SLC13A1: variants seen among roughly 807,000 people sequenced by gnomAD.
The protein encoded by SLC13A1 is solute carrier family 13 member 1, also known as Na(+)/sulfate cotransporter.
A neutral mutation model predicts 70.0 loss-of-function variants in SLC13A1; 65 were observed. The ratio of observed to expected loss-of-function variants is 0.93; its 90% confidence interval spans 0.76 to 1.14. The LOEUF is 1.14. Among genes scored for constraint, SLC13A1 ranks in the 50% most tolerant of loss-of-function variants. The pLI is 0.00. For missense variants in SLC13A1, 726 were observed against 717.8 expected (o/e 1.01, Z -0.13); for synonymous variants, 275 against 250.5 (o/e 1.10, Z -0.92).
At chr7:123,141,453 A>G (rs1794139018) in intron 7 of SLC13A1, among the ~76,000 whole-genome samples, 2 of 152,094 alleles carry the variant, frequency 1.3e-5, no homozygotes, top group Admixed American at 6.5e-5. Flanking sequence ...ATTAAGTCCA[A>G]TGTTTCTTTG....
At chr7:123,198,943 T>A (rs781358605) in intron 1 of SLC13A1, among the ~76,000 whole-genome samples, 1 of 152,090 alleles carries the variant, frequency 6.6e-6, no homozygotes, top group African/African-American at 2.4e-5. Flanking sequence ...GAGTGTTTCT[T>A]CATTTCATTC....
rs140649483 is a variant in SLC13A1 at position 123,171,817 on chromosome 7, T to C, written c.316A>G (p.Lys106Glu). 3.7e-6 allele frequency: 6 copies of C among 1,613,872 alleles called. No homozygotes were observed. The African/African-American group carries it at 5.3e-5, about 14-fold the overall frequency. The change falls in exon 3 of 15, where the codon AAG becomes GAG. Residue 106 changes from lysine (K) to glutamate (E), a missense_variant. By Grantham distance (56) the Lys-to-Glu change is moderately conservative (BLOSUM62 1). Transcript: ENST00000194130. ...ATSIEKWNLHKRIALKMVMMV... is the reference protein window; with the variant it reads ...ATSIEKWNLHERIALKMVMMV... The stretch of plus-strand genomic sequence containing the variant: ...ATCACCATTTTCAGAGCAATTCTCT[T>C]GTGCAAATTCCATTTTTCTATGGAT...
intron 1 of SLC13A1, among the ~76,000 whole-genome samples, chr7:123,198,579 G>T (rs1880179): frequency 0.34 from 50,949 of 151,654 alleles, 9,246 homozygotes; most frequent in South Asian, 0.41. Context: ...CCACAGCAGG[G>T]GCCAGTCCCT....
intron 1 of SLC13A1, among the ~76,000 whole-genome samples, chr7:123,187,042 G>A (rs17145513): frequency 9.2e-5 from 14 of 151,810 alleles, no homozygotes; most frequent in East Asian, 3.9e-4. Context: ...ATCTCTGTAC[G>A]TGTTACGACT....
chr7:123,198,417 T>C (rs1056086860), intron 1 of SLC13A1, among the ~76,000 whole-genome samples: 2 of 139,102 alleles, frequency 1.4e-5, no homozygotes, highest in Admixed American at 1.5e-4. Flanking sequence ...ACAAATTCTG[T>C]ACGAATTTGA....
chr7:123,144,439 G>A (rs1179236950), intron 7 of SLC13A1, among the ~76,000 whole-genome samples: 2 of 152,082 alleles, frequency 1.3e-5, no homozygotes, highest in Admixed American at 6.6e-5. Flanking sequence ...TGTGAAAAAA[G>A]CATTAAATTT....
intron 7 of SLC13A1, among the ~76,000 whole-genome samples, chr7:123,142,103 G>T (rs1022692513): frequency 2.6e-5 from 4 of 151,994 alleles, no homozygotes. Context: ...CATGTATAGG[G>T]TAAGGCTTGA....
intron 9 of SLC13A1, among the ~76,000 whole-genome samples, 193 bp downstream of exon 9, chr7:123,129,190 G>C (rs536119268): frequency 6.6e-6 from 1 of 151,932 alleles, no homozygotes; most frequent in East Asian, 1.9e-4. Flanking sequence ...TTATCATGTT[G>C]AGTTATAGTC....
At chr7:123,198,459 G>A (rs762340403) in intron 1 of SLC13A1, among the ~76,000 whole-genome samples, 1 of 152,010 alleles carries the variant, frequency 6.6e-6, no homozygotes, top group Non-Finnish European at 1.5e-5. Flanking sequence ...AAGGGGTGGG[G>A]AGTTTTTCCC....
intron 13 of SLC13A1, among the ~76,000 whole-genome samples, chr7:123,118,809 C>G (rs1035932158): frequency 1.3e-5 from 2 of 152,066 alleles, no homozygotes; most frequent in African/African-American, 4.8e-5. Flanking sequence ...TCTAGTCTGA[C>G]CCTCTCTCTT....
Position 123,137,341 on chromosome 7 carries a change from C to T in SLC13A1, c.813-2812G>A, listed in dbSNP as rs193170775. ...AGATATCACTCCTGTGATTAGGTTGCGTAGTGAAAAAAGTGAAGGGATTTT... is the reference window on the plus strand; with the variant it reads ...AGATATCACTCCTGTGATTAGGTTGTGTAGTGAAAAAAGTGAAGGGATTTT... On this transcript the variant is annotated intron_variant, in intron 7 of 14. Coordinates refer to ENST00000194130, the MANE Select transcript of SLC13A1 (RefSeq NM_022444.4). 2.8e-3 allele frequency among the ~76,000 whole-genome samples: 429 copies of T among 152,056 alleles called. 7 individuals carry two copies. Among genetic ancestry groups the T allele is most frequent in the Admixed American group, 0.022 (340 of 15,260 alleles).
intron 6 of SLC13A1, among the ~76,000 whole-genome samples, chr7:123,165,084 T>C (rs903940063): frequency 2.0e-5 from 3 of 152,068 alleles, no homozygotes; most frequent in Non-Finnish European, 4.4e-5. Flanking sequence ...TTAAATTATA[T>C]AGGGTAAATC....
chr7:123,177,423 A>T (rs1410239099), intron 2 of SLC13A1, among the ~76,000 whole-genome samples: 1 of 152,044 alleles, frequency 6.6e-6, no homozygotes. Context: ...ATCCTTTTTA[A>T]AATCAAAGTT....
chr7:123,135,075 C>T (rs1793909660), intron 7 of SLC13A1, among the ~76,000 whole-genome samples: 1 of 152,182 alleles, frequency 6.6e-6, no homozygotes, highest in South Asian at 2.1e-4. Flanking sequence ...CCCCAAAGCA[C>T]AGCAACCATC....
chr7:123,129,322 CTCTGTGTGTGTG>C, intron 9 of SLC13A1, 49 bp downstream of exon 9: 1 of 951,674 alleles, frequency 1.1e-6, no homozygotes, highest in Non-Finnish European at 1.5e-6. Context: ...TTTCTCTCTT[CTCTGTGTGTGTG>C]TGTGTGTGTG....
chr7:123,120,532 T>A (rs1339568930), intron 12 of SLC13A1, among the ~76,000 whole-genome samples: 1 of 152,050 alleles, frequency 6.6e-6, no homozygotes, highest in African/African-American at 2.4e-5. Context: ...CTCCCCCACA[T>A]GGAAGGGAAA....
At chr7:123,129,063 G>T in intron 9 of SLC13A1, 117 bp from the exon 10 acceptor site, 1 of 741,254 alleles carries the variant, frequency 1.3e-6, no homozygotes, top group South Asian at 1.6e-5. Flanking sequence ...GTAAGAACTA[G>T]ATGTGTCAAT....
Position 123,123,214 on chromosome 7 carries a change from A to C in SLC13A1, c.1262T>G (p.Leu421Arg), listed in dbSNP as rs1793446361. 6.2e-7 allele frequency: 1 copy of C among 1,613,004 alleles called. No individual in the cohort carries two copies. Among genetic ancestry groups the C allele is most frequent in the Non-Finnish European group, 8.5e-7 (1 of 1,179,212 alleles). The change falls in exon 12 of 15, where the codon CTG (leucine) becomes CGG (arginine). Residue 421 changes from leucine to arginine, a missense_variant. Physicochemically the swap from Leu to Arg is moderately radical, Grantham distance 102 (BLOSUM62 -2). Coordinates refer to ENST00000194130, the MANE Select transcript of SLC13A1 (RefSeq NM_022444.4). ...GEIVAFDYSP[L>R]ITWKEFQSFM... Reference sequence around the variant, plus strand: ...TGACTGGAATTCTTTCCAAGTAATCAGTGGAGAGTAATCAAAAGCAACTGC... The same window carrying C: ...TGACTGGAATTCTTTCCAAGTAATCCGTGGAGAGTAATCAAAAGCAACTGC...
intron 7 of SLC13A1, among the ~76,000 whole-genome samples, chr7:123,137,181 C>T (rs551742263): frequency 1.4e-4 from 20 of 145,734 alleles, no homozygotes; most frequent in Non-Finnish European, 2.3e-4. Context: ...GGATTGAAGG[C>T]AACAAGAGTG....
Sources: allele counts gnomAD v4.1 joint callset (sites outside exome capture counted in the v4.1 genomes callset), GRCh38; gene constraint gnomAD v4.1.1; transcripts MANE v1.5; gene names NCBI Gene and HGNC (gene_info 2026-07-23, HGNC 2026-07-21).